The following FN1 variants were observed in gnomAD, a reference collection of about 807,000 sequenced individuals.
FN1 encodes fibronectin.
A neutral mutation model predicts 297.3 loss-of-function variants in FN1; 106 were observed. The observed-to-expected ratio is 0.36, with a 90% CI of 0.30 to 0.42. The LOEUF (loss-of-function observed/expected upper bound fraction) is 0.42, where lower values mean the gene tolerates loss of function less well. Ranked by LOEUF, FN1 falls within the 10% of genes least tolerant of loss-of-function variation. FN1 has a pLI of 1.00. For missense variants in FN1, 2,690 were observed against 3,124.9 expected (o/e 0.86, Z 3.32); for synonymous variants, 1,149 against 1,152.6 (o/e 1.00, Z 0.06).
chr2:215,388,114 C>T, intron 27 of FN1, 98 bp downstream of exon 27: 1 of 912,934 alleles, frequency 1.1e-6, no homozygotes. Flanking sequence ...ACCATGACAA[C>T]AAAAAATGGA....
At chr2:215,373,483 C>T (rs2056646511) in intron 38 of FN1, 72 bp from the exon 39 acceptor site, 9 of 1,237,726 alleles carry the variant, frequency 7.3e-6, no homozygotes, top group African/African-American at 1.5e-5. Context: ...GTCTCACCAG[C>T]AGACGCTACT....
chr2:215,423,307 A>G, intron 9 of FN1, 43 bp downstream of exon 9: 1 of 1,605,396 alleles, frequency 6.2e-7, no homozygotes, highest in South Asian at 1.1e-5. Flanking sequence ...TCTACTCCCT[A>G]AATTGTTGTC....
At chr2:215,426,189 C>CCCAGGCTG (rs1001056799) in intron 6 of FN1, among the ~76,000 whole-genome samples, 3 of 142,300 alleles carry the variant, frequency 2.1e-5, no homozygotes, top group Non-Finnish European at 4.5e-5. Flanking sequence ...CACTCTGTCA[C>CCCAGGCTG]CCAGGCTGGA....
In FN1 at chr2:215,423,355, A is replaced by G. The variant is rs1334572359; in HGVS notation, c.1388T>C (p.Met463Thr). 6.2e-7 allele frequency: 1 copy of G among 1,613,996 alleles called. No homozygotes were observed. The highest frequency in any genetic ancestry group is 1.1e-5 in the South Asian group (1 of 91,070). The stretch of plus-strand genomic sequence containing the variant: ...CCACAAGGGCTTCATCTTACCAGCC[A>G]TGGGGCAGAACCCAAACTTCTGGTC... ...DADQKFGFCPMAAHEEICTTN... is the reference protein window; with the variant it reads ...DADQKFGFCPTAAHEEICTTN... The change falls in exon 9 of 46, where the codon ATG becomes ACG. Residue 463 changes from methionine (M) to threonine (T), a missense_variant. Coordinates refer to ENST00000354785, the MANE Select transcript of FN1 (RefSeq NM_212482.4).
rs1409899535 is a variant in FN1 at position 215,361,460 on chromosome 2, AAAG to A, written c.*92_*94del. On this transcript the variant is annotated 3_prime_UTR_variant, in exon 46 of 46. Transcript: ENST00000354785. ...CTCCAGAGCAAAGGGCTTAAGAAAG[AAAG>A]AAGAACTCTAAGCTGGGTCTGCTAA... 25 of 918,092 alleles carry A rather than the reference AAAG, an allele frequency of 2.7e-5. No homozygotes were observed. The highest frequency in any genetic ancestry group is 8.1e-5 in the African/African-American group (5 of 61,658). 56.9% of individuals were successfully genotyped at this position (918,092 alleles called of 1,614,324 possible). A position where few individuals can be genotyped will look rare whatever the true frequency, so the allele number is the denominator to read the frequency against.
At chr2:215,393,260 A>G in intron 24 of FN1, 57 bp from the exon 25 acceptor site, 2 of 1,575,728 alleles carry the variant, frequency 1.3e-6, no homozygotes, top group South Asian at 2.3e-5. Context: ...AGGGAAAAAA[A>G]GAGGAAAAAA....
chr2:215,393,692 A>G (rs1459490937), intron 24 of FN1: 3 of 152,258 alleles, frequency 2.0e-5, no homozygotes, highest in Non-Finnish European at 2.9e-5. Context: ...ACTCATGACA[A>G]CATCATGGCC....
rs1239822370 is a variant in FN1, at chr2:215,426,605, T to A, written c.845-1320A>T. Among the ~76,000 whole-genome samples, 3 of 151,988 alleles carry A rather than the reference T, an allele frequency of 2.0e-5. No individual in the cohort carries two copies. The East Asian group carries it at 5.8e-4, about 29-fold the overall frequency. On this transcript the variant is annotated intron_variant, in intron 6 of 45. Transcript: ENST00000354785. ...CCCAAAGATGTTCACAGACAAAGAA[T>A]CCCAAGGTCAAACGTACTAGGGAGA...
At position 215,362,046 on chromosome 2, in the gene FN1, C is replaced by T. The variant is rs756702314; in HGVS notation, c.7285G>A (p.Gly2429Ser). ...WRCDNCRRPG[G>S]EPSPEGTTGQ... ...GTAGTGCCTTCGGGACTGGGTTCAC[C>T]CCCAGGTCTGCGGCAGTTGTCACAG... Residue 2429 changes from glycine (G) to serine (S), a missense_variant, in exon 45 of 46, where the codon GGT becomes AGT. Coordinates refer to ENST00000354785, the MANE Select transcript of FN1 (RefSeq NM_212482.4). The T allele has an allele frequency of 3.1e-6, 5 of 1,614,040 alleles. No individual in the cohort carries two copies. The South Asian group carries it at 4.4e-5, about 14-fold the overall frequency.
At chr2:215,370,756 G>A (rs1297648302) in intron 40 of FN1, among the ~76,000 whole-genome samples, 1 of 152,052 alleles carries the variant, frequency 6.6e-6, no homozygotes, top group African/African-American at 2.4e-5. Context: ...AAGCCCTCTG[G>A]AAGCCCTGGC....
chr2:215,412,852 C>G (rs186347457), intron 13 of FN1, among the ~76,000 whole-genome samples: 106 of 143,192 alleles, frequency 7.4e-4, no homozygotes, highest in African/African-American at 2.5e-3. Context: ...CTCCTCTCTT[C>G]TCCACCTTCC....
Position 215,409,571 on chromosome 2 carries a change from T to C in FN1, c.2291A>G (p.Gln764Arg), listed in dbSNP as rs747221271. 1.1e-5 allele frequency: 18 copies of C among 1,613,316 alleles called. No individual in the cohort carries two copies. The highest frequency in any genetic ancestry group is 3.3e-5 in the South Asian group (3 of 91,054). ...CGACATATTGAGCTTACCCAGGTAC[T>C]GTGGCTCATCTCCCTCCTCACTCAG... The part of the protein sequence containing the change: ...YELSEEGDEP[Q>R]YLDLPSTATS... Residue 764 changes from glutamine to arginine, a missense_variant, in exon 15 of 46, where the codon CAG (glutamine) becomes CGG (arginine). Physicochemically the swap from Gln to Arg is conservative, Grantham distance 43. This residue lies in a region of FN1 where 876 missense variants were observed against 1,058.1 expected (regional missense o/e 0.83). Coordinates refer to ENST00000354785, the MANE Select transcript of FN1 (RefSeq NM_212482.4).
At chr2:215,370,235 G>C in intron 41 of FN1, 59 bp downstream of exon 41, 1 of 1,555,774 alleles carries the variant, frequency 6.4e-7, no homozygotes, top group Non-Finnish European at 8.9e-7. Context: ...CAACAGAAAA[G>C]CCCATCTCTG....
At chr2:215,392,126 C>T (rs1028671064) in intron 25 of FN1, 28 of 326,918 alleles carry the variant, frequency 8.6e-5, no homozygotes, top group Non-Finnish European at 1.3e-4. Context: ...TATCCCAGGC[C>T]GAAGAGGCTT....
rs2057162498 is a variant in FN1 at position 215,375,727 on chromosome 2, TG to T, written c.5888-10del. ...AGTGCCTGGTTGTAAACCTGGGATT[TG>T]AGAAGAGATGATTTTTAACAGTTCT... On this transcript the variant is annotated splice_polypyrimidine_tract_variant and intron_variant, in intron 36 of 45. Coordinates refer to ENST00000354785, the MANE Select transcript of FN1 (RefSeq NM_212482.4). 1 of 1,556,662 alleles carries T rather than the reference TG, an allele frequency of 6.4e-7. No individual in the cohort carries two copies. The highest frequency in any genetic ancestry group is 1.4e-5 in the African/African-American group (1 of 73,740).
At chr2:215,397,259 C>T in intron 22 of FN1, 36 bp from the exon 23 acceptor site, 1 of 1,457,576 alleles carries the variant, frequency 6.9e-7, no homozygotes, top group South Asian at 1.1e-5. Context: ...TCAAAGCTGA[C>T]ACAAAGCTCT....
At chr2:215,395,622 A>G in intron 23 of FN1, among the ~76,000 whole-genome samples, 1 of 152,056 alleles carries the variant, frequency 6.6e-6, no homozygotes, top group Non-Finnish European at 1.5e-5. Flanking sequence ...GCAGTAAAAG[A>G]GTTGAGAGGG....
rs1172254327 is a variant in FN1 at position 215,419,323 on chromosome 2, C to G, written c.1738G>C (p.Val580Leu). ...YQIGDSWEKY[V>L]HGVRYQCYCY... The stretch of plus-strand genomic sequence containing the variant: ...TAGCACTGGTATCTGACACCATGCA[C>G]ATACTTCTCCCATGAATCTCCAATT... The change falls in exon 12 of 46, where the codon GTG becomes CTG. Residue 580 changes from valine to leucine, a missense_variant. This residue lies in a region of FN1 where 876 missense variants were observed against 1,058.1 expected (regional missense o/e 0.83). Coordinates refer to ENST00000354785, the MANE Select transcript of FN1 (RefSeq NM_212482.4). The G allele has an allele frequency of 3.1e-6, 5 of 1,612,642 alleles. No homozygotes were observed. The South Asian group carries it at 5.5e-5, about 18-fold the overall frequency.
chr2:215,397,852 G>C lies in FN1; in HGVS notation c.3349-4C>G, dbSNP rs572042182. On this transcript the variant is annotated splice_region_variant and splice_polypyrimidine_tract_variant and intron_variant, in intron 21 of 45. Transcript: ENST00000354785. ...CCTGGCTTGGTCGTACACCCAGCTA[G>C]AGGAAGGAATGCAAAGTAAACACCA... 6.2e-7 allele frequency: 1 copy of C among 1,613,960 alleles called. No homozygotes were observed. Among genetic ancestry groups the C allele is most frequent in the South Asian group, 1.1e-5 (1 of 91,082 alleles).
Sources: gnomAD v4.1 joint callset for allele counts (sites outside exome capture counted in the v4.1 genomes callset) on GRCh38, gnomAD v4.1.1 for gene constraint, gnomAD v4.1.1 regional missense constraint, MANE v1.5 for transcripts, NCBI Gene and HGNC (gene_info 2026-07-23, HGNC 2026-07-21) for gene names.